LINGO2: variants seen among roughly 807,000 people sequenced by gnomAD.
LINGO2 encodes the protein leucine-rich repeat and immunoglobulin-like domain-containing nogo receptor-interacting protein 2.
In LINGO2, 14 loss-of-function variants were observed where a neutral mutation model predicts 30.6. That is an observed-to-expected ratio of 0.46 (90% CI 0.30 to 0.72). The LOEUF (loss-of-function observed/expected upper bound fraction) is 0.72, where lower values mean the gene tolerates loss of function less well. LINGO2 is among the 30% of genes least tolerant of loss of function. The pLI is 0.07. For synonymous variants in LINGO2, 317 were observed against 288.5 expected, an observed-to-expected ratio of 1.10 and a Z score of -1.00; for missense variants, 729 against 751.7, an observed-to-expected ratio of 0.97 and a Z score of 0.35.
chr9:28,574,313 C>T (rs1052435544), intron 1 of LINGO2, among the ~76,000 whole-genome samples: 1 of 152,114 alleles, frequency 6.6e-6, no homozygotes, highest in African/African-American at 2.4e-5. Flanking sequence ...AACAGGTAAA[C>T]AGTTTTCATC....
intron 1 of LINGO2, among the ~76,000 whole-genome samples, chr9:28,552,783 C>G (rs970807191): frequency 1.4e-4 from 21 of 148,524 alleles, no homozygotes; most frequent in African/African-American, 4.9e-4. Context: ...TTCCTAATTT[C>G]AATCTTAGAC....
At chr9:29,111,207 G>T in the LINGO2 span, among the ~76,000 whole-genome samples, 3 of 152,110 alleles carry the variant, frequency 2.0e-5, no homozygotes, top group African/African-American at 7.2e-5. Context: ...AAAGTAACCT[G>T]TTTTGTGTTC....
chr9:29,149,954 C>T, the LINGO2 span, among the ~76,000 whole-genome samples: 2 of 152,154 alleles, frequency 1.3e-5, no homozygotes, highest in East Asian at 1.9e-4. Context: ...CTGACCGCTC[C>T]CACTGGCTTG....
chr9:28,105,754 A>C (rs999030063), intron 4 of LINGO2, among the ~76,000 whole-genome samples: 1 of 152,074 alleles, frequency 6.6e-6, no homozygotes, highest in Admixed American at 6.6e-5. Flanking sequence ...CTCCCCACAC[A>C]CATGCACTGA....
chr9:28,730,378 A>G, the LINGO2 span, among the ~76,000 whole-genome samples: 2 of 152,182 alleles, frequency 1.3e-5, no homozygotes, highest in African/African-American at 2.4e-5. Flanking sequence ...AGTTGGGCAA[A>G]GAGTTAGGCT....
At chr9:28,882,262 TA>T in the LINGO2 span, among the ~76,000 whole-genome samples, 1 of 152,188 alleles carries the variant, frequency 6.6e-6, no homozygotes, top group Non-Finnish European at 1.5e-5. Context: ...ACTTAGCCAC[TA>T]AAACAGCATT....
chr9:28,989,244 T>C, the LINGO2 span, among the ~76,000 whole-genome samples: 2 of 152,226 alleles, frequency 1.3e-5, no homozygotes, highest in African/African-American at 4.8e-5. Flanking sequence ...GAATGTTGTT[T>C]AGATGACTTC....
At chr9:28,877,278 G>C in the LINGO2 span, among the ~76,000 whole-genome samples, 2 of 151,840 alleles carry the variant, frequency 1.3e-5, no homozygotes, top group Admixed American at 6.6e-5. Context: ...TGTCAATTTT[G>C]GCTTTCGTTG....
chr9:28,658,194 T>C (rs982029507), intron 1 of LINGO2, among the ~76,000 whole-genome samples: 3 of 152,132 alleles, frequency 2.0e-5, no homozygotes, highest in African/African-American at 7.2e-5. Flanking sequence ...AAATTCCATA[T>C]GCACTTGAGA....
intron 1 of LINGO2, among the ~76,000 whole-genome samples, chr9:28,581,503 T>C (rs575126840): frequency 2.0e-5 from 3 of 150,264 alleles, no homozygotes; most frequent in East Asian, 4.0e-4. Flanking sequence ...GTAAATAATA[T>C]AGTAAATTGT....
chr9:28,148,228 C>G lies in LINGO2; in HGVS notation c.-86-135823G>C, dbSNP rs1321420139. Reference sequence around the variant, plus strand: ...GCGCCCCTATGAGGCTGTGTCTTATCCCTCGGAACATGGGCACCCCACAGA... The same window carrying G: ...GCGCCCCTATGAGGCTGTGTCTTATGCCTCGGAACATGGGCACCCCACAGA... On this transcript the variant is annotated intron_variant, in intron 4 of 5. Coordinates refer to ENST00000379992, the Ensembl canonical transcript of LINGO2. The surrounding 1 kb of genome is among the most constrained non-coding windows in gnomAD (Gnocchi z 5.1). 9.6e-6 allele frequency: 7 copies of G among 728,994 alleles called. No individual in the cohort carries two copies. Among genetic ancestry groups the G allele is most frequent in the Non-Finnish European group, 1.3e-5 (6 of 458,574 alleles). 45.2% of individuals were successfully genotyped at this position (728,994 alleles called of 1,614,324 possible).
At chr9:28,950,842 C>A in the LINGO2 span, among the ~76,000 whole-genome samples, 1 of 152,082 alleles carries the variant, frequency 6.6e-6, no homozygotes, top group Admixed American at 6.6e-5. Flanking sequence ...TTTATAGATT[C>A]ACACTATCCC....
At chr9:28,665,182 A>G (rs1456255129) in intron 1 of LINGO2, among the ~76,000 whole-genome samples, 3 of 151,846 alleles carry the variant, frequency 2.0e-5, no homozygotes, top group Non-Finnish European at 2.9e-5. Context: ...ACATTTATCA[A>G]GAGTGTTAAT....
the LINGO2 span, among the ~76,000 whole-genome samples, chr9:28,944,774 A>G: frequency 6.6e-6 from 1 of 152,190 alleles, no homozygotes; most frequent in East Asian, 1.9e-4. Flanking sequence ...ATTGATTTAA[A>G]TGAAAGATGA....
chr9:28,756,586 T>C, the LINGO2 span, among the ~76,000 whole-genome samples: 2 of 151,920 alleles, frequency 1.3e-5, no homozygotes, highest in East Asian at 1.9e-4. Context: ...CAAATTCTCA[T>C]TGCAAATTGT....
At chr9:28,635,034 C>T (rs1827192709) in intron 1 of LINGO2, among the ~76,000 whole-genome samples, 1 of 152,158 alleles carries the variant, frequency 6.6e-6, no homozygotes, top group African/African-American at 2.4e-5. Flanking sequence ...GAAGGAAGAG[C>T]ATGCCTCACA....
chr9:28,946,595 A>G, the LINGO2 span, among the ~76,000 whole-genome samples: 1 of 152,156 alleles, frequency 6.6e-6, no homozygotes, highest in South Asian at 2.1e-4. Context: ...CTAATTTTGT[A>G]GGCTTTTTCC....
intron 3 of LINGO2, among the ~76,000 whole-genome samples, chr9:28,299,990 G>T (rs1392019518): frequency 6.6e-6 from 1 of 151,936 alleles, no homozygotes; most frequent in African/African-American, 2.4e-5. Flanking sequence ...TGTAAATGGT[G>T]TTTCTGGTAG....
chr9:28,984,767 C>T, the LINGO2 span, among the ~76,000 whole-genome samples: 5 of 151,932 alleles, frequency 3.3e-5, no homozygotes, highest in East Asian at 1.9e-4. Context: ...TACATATTCA[C>T]GGGATACAAA....
Sources: gnomAD v4.1 joint callset for allele counts (sites outside exome capture counted in the v4.1 genomes callset) on GRCh38, gnomAD v4.1.1 for gene constraint, Gnocchi (gnomAD v3.1) non-coding constraint, MANE v1.5 for transcripts, NCBI Gene and HGNC (gene_info 2026-07-23, HGNC 2026-07-21) for gene names.